The following MME variants were observed in gnomAD, a reference collection of about 807,000 sequenced individuals.
The protein encoded by MME is neprilysin.
A neutral mutation model predicts 113.2 loss-of-function variants in MME; 98 were observed. The ratio of observed to expected loss-of-function variants is 0.87; its 90% CI spans 0.74 to 1.02. MME has a LOEUF of 1.02. MME is among the 50% of genes least tolerant of loss of function. MME has a pLI of 0.00. For missense variants in MME, 836 were observed against 896.0 expected (o/e 0.93, Z 0.86); for synonymous variants, 292 against 300.6 (o/e 0.97, Z 0.30).
chr3:155,152,207 C>T (rs1721984922), intron 16 of MME, among the ~76,000 whole-genome samples: 1 of 152,250 alleles, frequency 6.6e-6, no homozygotes, highest in Middle Eastern at 3.4e-3. Flanking sequence ...TTGTCTCTTA[C>T]CCTGGACCAC....
chr3:155,144,317 A>G (rs778817313), intron 13 of MME, 42 bp from the exon 14 acceptor site: 2 of 1,287,912 alleles, frequency 1.6e-6, no homozygotes, highest in Admixed American at 3.4e-5. Flanking sequence ...TGTTACAAAG[A>G]ATGAATTAAT....
chr3:155,117,298 AC>A (rs1314614159), intron 7 of MME, among the ~76,000 whole-genome samples: 1 of 152,206 alleles, frequency 6.6e-6, no homozygotes, highest in Non-Finnish European at 1.5e-5. Flanking sequence ...TTTGTATAGT[AC>A]TTGAAAGGAG....
At chr3:155,113,447 T>A (rs1469235216) in intron 3 of MME, among the ~76,000 whole-genome samples, 3 of 152,092 alleles carry the variant, frequency 2.0e-5, no homozygotes, top group Non-Finnish European at 4.4e-5. Context: ...GGGCAGCTAA[T>A]TTTTGTATTT....
At position 155,129,565 on chromosome 3, in the gene MME, A is replaced by G. The variant is rs1459663648; in HGVS notation, c.721-8537A>G. 2.0e-5 allele frequency among the ~76,000 whole-genome samples: 3 copies of G among 152,064 alleles called. No individual in the cohort carries two copies. The East Asian group carries it at 5.8e-4, about 29-fold the overall frequency. ...AATCTAGAAAGGGAAAGTGATAGAG[A>G]ACAGTTGCATCATCTCAGAAAGGGG... is the stretch of plus-strand genomic sequence containing the variant. On this transcript the variant is annotated intron_variant, in intron 8 of 22. Coordinates refer to ENST00000360490, the MANE Select transcript of MME (RefSeq NM_007289.4).
intron 8 of MME, among the ~76,000 whole-genome samples, chr3:155,134,567 T>G (rs1720469514): frequency 6.6e-6 from 1 of 152,172 alleles, no homozygotes; most frequent in Non-Finnish European, 1.5e-5. Flanking sequence ...TGATTCTACG[T>G]TTTTGCTATT....
intron 16 of MME, among the ~76,000 whole-genome samples, chr3:155,153,786 G>A (rs1370219728): frequency 6.6e-6 from 1 of 152,148 alleles, no homozygotes; most frequent in African/African-American, 2.4e-5. Flanking sequence ...ATTGACAGGA[G>A]CCAAGTCAAT....
upstream of MME, among the ~76,000 whole-genome samples, chr3:155,078,045 TAC>T (rs34585642): frequency 0.056 from 7,812 of 138,990 alleles, 207 homozygotes; most frequent in African/African-American, 0.098. Flanking sequence ...AAAGTAAAAG[TAC>T]ACACACACAC....
chr3:155,038,363 C>A (rs1713194912), intron 1 of MME, among the ~76,000 whole-genome samples: 1 of 152,156 alleles, frequency 6.6e-6, no homozygotes, highest in Non-Finnish European at 1.5e-5. Context: ...CTCTCTGAAG[C>A]CTTGCCCACC....
At chr3:155,038,460 C>T (rs976399269) in intron 1 of MME, among the ~76,000 whole-genome samples, 9 of 152,144 alleles carry the variant, frequency 5.9e-5, no homozygotes, top group Non-Finnish European at 1.2e-4. Flanking sequence ...TTCCAAGAAC[C>T]TTTCATAGAA....
intron 11 of MME, 42 bp from the exon 12 acceptor site, chr3:155,142,195 C>G (rs1321221882): frequency 9.9e-6 from 16 of 1,612,168 alleles, no homozygotes; most frequent in Non-Finnish European, 1.3e-5. Flanking sequence ...AGCTTTGCAG[C>G]CTCATCTTTT....
intron 20 of MME, among the ~76,000 whole-genome samples, chr3:155,169,275 A>G (rs879315767): frequency 6.6e-6 from 1 of 152,188 alleles, no homozygotes; most frequent in Non-Finnish European, 1.5e-5. Flanking sequence ...ATGATACAGT[A>G]AGGGACTGAC....
rs140315924 is a variant in MME, at chr3:155,144,430, C to T, written c.1389C>T (p.Ala463=). 4.6e-5 allele frequency: 74 copies of T among 1,611,546 alleles called. No individual in the cohort carries two copies. The East Asian group carries it at 4.7e-4, about 10-fold the overall frequency. The change falls in exon 14 of 23, where the codon GCC becomes GCT. Residue 463 remains alanine (A), a synonymous_variant. Coordinates refer to ENST00000360490, the MANE Select transcript of MME (RefSeq NM_007289.4). Reference sequence around the variant, plus strand: ...TAGATGACCTCACTTGGATGGATGCCGAGACAAAAAAGAGAGCTGAAGAAA... The same window carrying T: ...TAGATGACCTCACTTGGATGGATGCTGAGACAAAAAAGAGAGCTGAAGAAA... ...QTLDDLTWMD[A]ETKKRAEEKA...
chr3:155,117,744 C>T (rs1341098709), intron 7 of MME, among the ~76,000 whole-genome samples: 1 of 151,676 alleles, frequency 6.6e-6, no homozygotes, highest in African/African-American at 2.4e-5. Context: ...ACCCAAATCT[C>T]CTGCAGTGGG....
At chr3:155,087,192 G>A (rs776096133) in intron 3 of MME, among the ~76,000 whole-genome samples, 37 of 151,630 alleles carry the variant, frequency 2.4e-4, no homozygotes, top group African/African-American at 8.0e-4. Flanking sequence ...AAAAAATGAC[G>A]GGAAAATATC....
intron 22 of MME, among the ~76,000 whole-genome samples, chr3:155,178,402 G>A (rs1712768750): frequency 6.6e-6 from 1 of 152,116 alleles, no homozygotes; most frequent in Non-Finnish European, 1.5e-5. Flanking sequence ...TGAGGAAAGG[G>A]AAAGAAAATG....
At chr3:155,177,366 ATTGG>A in intron 22 of MME, among the ~76,000 whole-genome samples, 1 of 152,214 alleles carries the variant, frequency 6.6e-6, no homozygotes, top group African/African-American at 2.4e-5. Flanking sequence ...GGCATCCTGA[ATTGG>A]GAAGAAGGTT....
At chr3:155,069,524 G>T (rs1234796537) in intron 1 of MME, among the ~76,000 whole-genome samples, 2 of 152,142 alleles carry the variant, frequency 1.3e-5, no homozygotes, top group South Asian at 2.1e-4. Context: ...AGTAATTGAA[G>T]AGCACTAACC....
At chr3:155,087,990 G>GA (rs1715911875) in intron 3 of MME, among the ~76,000 whole-genome samples, 1 of 152,158 alleles carries the variant, frequency 6.6e-6, no homozygotes, top group South Asian at 2.1e-4. Context: ...ACACCTTGCA[G>GA]GATGTATCTT....
chr3:155,129,746 A>G (rs1254642378), intron 8 of MME, among the ~76,000 whole-genome samples: 1 of 152,188 alleles, frequency 6.6e-6, no homozygotes, highest in Non-Finnish European at 1.5e-5. Context: ...ATGCTATCTC[A>G]AAGAACAGAA....
Sources: allele counts gnomAD v4.1 joint callset (sites outside exome capture counted in the v4.1 genomes callset), GRCh38; gene constraint gnomAD v4.1.1; transcripts MANE v1.5; gene names NCBI Gene and HGNC (gene_info 2026-07-23, HGNC 2026-07-21).